ADAMTS17: variants seen among roughly 807,000 people sequenced by gnomAD.
ADAMTS17 encodes the protein A disintegrin and metalloproteinase with thrombospondin motifs 17.
Under a neutral mutation model 141.5 loss-of-function variants are expected in ADAMTS17, and 113 were observed. That is an observed-to-expected ratio of 0.80 (90% CI 0.69 to 0.93). ADAMTS17 has a LOEUF of 0.93. Ranked by LOEUF, ADAMTS17 falls within the 40% of genes least tolerant of loss-of-function variation. ADAMTS17 has a pLI of 0.00. For synonymous variants in ADAMTS17, 768 were observed against 630.6 expected (o/e 1.22, Z -3.27); for missense variants, 1,659 against 1,517.9 (o/e 1.09, Z -1.54).
At chr15:100,327,791 G>A (rs1054015645) in intron 3 of ADAMTS17, among the ~76,000 whole-genome samples, 6 of 152,294 alleles carry the variant, frequency 3.9e-5, no homozygotes, top group African/African-American at 1.2e-4. Flanking sequence ...AAAATAAGGA[G>A]CAATGTAGGA....
intron 10 of ADAMTS17, among the ~76,000 whole-genome samples, chr15:100,148,093 C>T (rs539328000): frequency 2.6e-5 from 4 of 152,354 alleles, no homozygotes; most frequent in South Asian, 2.1e-4. Context: ...CTTGAGTACA[C>T]TGGGCCACCC....
chr15:100,061,400 C>T (rs1025504891), intron 15 of ADAMTS17, among the ~76,000 whole-genome samples: 3 of 152,168 alleles, frequency 2.0e-5, no homozygotes, highest in African/African-American at 7.2e-5. Context: ...AGCCGAGCTC[C>T]GTGACTGGGA....
chr15:100,226,970 T>G (rs1463306938), intron 7 of ADAMTS17, among the ~76,000 whole-genome samples: 2 of 152,316 alleles, frequency 1.3e-5, no homozygotes, highest in African/African-American at 2.4e-5. Context: ...GACAAATATA[T>G]GACGTCCATC....
chr15:100,296,573 G>A (rs537427459), intron 3 of ADAMTS17, among the ~76,000 whole-genome samples: 449 of 102,536 alleles, frequency 4.4e-3, no homozygotes, highest in African/African-American at 0.019. Context: ...TGGAGGGGGT[G>A]AGGGGGGGTG....
At chr15:100,134,939 T>C (rs567777936) in intron 10 of ADAMTS17, among the ~76,000 whole-genome samples, 33 of 152,346 alleles carry the variant, frequency 2.2e-4, no homozygotes, top group Admixed American at 1.3e-3. Context: ...AAAGACCAAC[T>C]GCACCTCATC....
chr15:100,190,107 G>C (rs1338363057), intron 8 of ADAMTS17, among the ~76,000 whole-genome samples: 1 of 151,860 alleles, frequency 6.6e-6, no homozygotes, highest in African/African-American at 2.4e-5. Context: ...CTTAACAAGA[G>C]GATGCCCTAC....
chr15:100,199,058 G>C (rs1219392174), intron 8 of ADAMTS17, among the ~76,000 whole-genome samples: 1 of 152,184 alleles, frequency 6.6e-6, no homozygotes, highest in Non-Finnish European at 1.5e-5. Context: ...CATCCTGAGA[G>C]GAACCTCTTC....
chr15:100,172,790 A>G (rs2040208354), intron 8 of ADAMTS17, among the ~76,000 whole-genome samples: 1 of 152,200 alleles, frequency 6.6e-6, no homozygotes, highest in Non-Finnish European at 1.5e-5. Context: ...GTGTGCTCTC[A>G]CCATTGTTCC....
chr15:99,973,067 C>G lies in ADAMTS17; in HGVS notation c.*1335G>C, dbSNP rs555856752. ...GGCCTCCTGGCATCTAGGGTCCCTG[C>G]CCGGCCTCCTTGCAGGTAGGGTGCT... On this transcript the variant is annotated 3_prime_UTR_variant, in exon 22 of 22. Coordinates refer to ENST00000268070, the MANE Select transcript of ADAMTS17 (RefSeq NM_139057.4). 3.0e-4 allele frequency: 46 copies of G among 152,228 alleles called. No individual in the cohort carries two copies. The highest frequency in any genetic ancestry group is 1.1e-3 in the African/African-American group (45 of 41,526). 9.4% of individuals were successfully genotyped at this position (152,228 alleles called of 1,614,324 possible).
At chr15:100,109,263 G>GCTCCTCT in intron 13 of ADAMTS17, 147 bp from the exon 14 acceptor site, 63 of 1,085,938 alleles carry the variant, frequency 5.8e-5, no homozygotes, top group Non-Finnish European at 6.7e-5. Flanking sequence ...ACGCGCTCCA[G>GCTCCTCT]GAAGCGGAAA....
chr15:100,207,677 A>T (rs1049596678), intron 7 of ADAMTS17, among the ~76,000 whole-genome samples: 3 of 152,208 alleles, frequency 2.0e-5, no homozygotes, highest in Non-Finnish European at 2.9e-5. Context: ...GGTGTTCTGT[A>T]TTTCAAATCA....
intron 8 of ADAMTS17, among the ~76,000 whole-genome samples, chr15:100,183,705 T>C (rs1430408651): frequency 2.0e-5 from 3 of 152,362 alleles, no homozygotes; most frequent in African/African-American, 7.2e-5. Context: ...TCCTGAATAC[T>C]TTGGTTATTA....
intron 7 of ADAMTS17, among the ~76,000 whole-genome samples, chr15:100,217,500 G>A (rs1460703019): frequency 6.6e-6 from 1 of 152,152 alleles, no homozygotes; most frequent in Non-Finnish European, 1.5e-5. Context: ...TCGGGAGGCT[G>A]AGGCAGGAGA....
intron 7 of ADAMTS17, among the ~76,000 whole-genome samples, chr15:100,238,811 G>A (rs185451676): frequency 1.3e-3 from 191 of 152,298 alleles, no homozygotes; most frequent in African/African-American, 4.4e-3. Context: ...AAGGCAGGGC[G>A]TGGTGGCTCA....
intron 14 of ADAMTS17, among the ~76,000 whole-genome samples, chr15:100,103,798 A>G (rs775112193): frequency 2.2e-4 from 34 of 151,902 alleles, no homozygotes; most frequent in Non-Finnish European, 4.1e-4. Flanking sequence ...CTGGTCTCGA[A>G]CTCCTGACCT....
At chr15:100,255,171 T>C (rs1453682422) in intron 6 of ADAMTS17, among the ~76,000 whole-genome samples, 1 of 152,140 alleles carries the variant, frequency 6.6e-6, no homozygotes, top group Non-Finnish European at 1.5e-5. Flanking sequence ...ACCAGGGGTC[T>C]AGGCTCTTCT....
At chr15:100,246,235 G>A (rs893975445) in intron 7 of ADAMTS17, among the ~76,000 whole-genome samples, 3 of 152,064 alleles carry the variant, frequency 2.0e-5, no homozygotes, top group Non-Finnish European at 4.4e-5. Context: ...TCAATCAGCC[G>A]AGAAATCCAA....
chr15:99,971,825 G>C lies in ADAMTS17; in HGVS notation c.*2577C>G, dbSNP rs1181497918. On this transcript the variant is annotated 3_prime_UTR_variant, in exon 22 of 22. Transcript: ENST00000268070. Reference sequence around the variant, plus strand: ...GTGCAAGCACAAAGGTACAGTACTCGAGGGACAGTACAGGGTATTAACACA... The same window carrying C: ...GTGCAAGCACAAAGGTACAGTACTCCAGGGACAGTACAGGGTATTAACACA... 6.6e-6 allele frequency: 1 copy of C among 151,224 alleles called. No homozygotes were observed. Among genetic ancestry groups the C allele is most frequent in the Non-Finnish European group, 1.5e-5 (1 of 68,062 alleles). The allele number at this position is 151,224 out of a possible 1,614,324, so 9.4% of individuals were successfully genotyped here. A position where few individuals can be genotyped will look rare whatever the true frequency, so the allele number is the denominator to read the frequency against.
intron 21 of ADAMTS17, among the ~76,000 whole-genome samples, chr15:99,975,371 G>A (rs193260515): frequency 2.6e-5 from 4 of 152,202 alleles, no homozygotes; most frequent in South Asian, 2.1e-4. Flanking sequence ...CACCACGCCC[G>A]GCTGATTTTT....
Sources: allele counts gnomAD v4.1 joint callset (sites outside exome capture counted in the v4.1 genomes callset), GRCh38; gene constraint gnomAD v4.1.1; transcripts MANE v1.5; gene names NCBI Gene and HGNC (gene_info 2026-07-23, HGNC 2026-07-21).